The following FBXW8 variants were observed in gnomAD, a reference collection of about 807,000 sequenced individuals.
The protein encoded by FBXW8 is F-box and WD repeat domain containing 8.
FBXW8 carries 57 observed loss-of-function variants against 65.3 expected under a neutral mutation model. That is an observed-to-expected ratio of 0.87 (90% CI 0.71 to 1.09). The LOEUF (loss-of-function observed/expected upper bound fraction) is 1.09, where lower values mean the gene tolerates loss of function less well. Among genes scored for constraint, FBXW8 ranks in the 50% least tolerant of loss-of-function variants. The pLI, the probability that FBXW8 is intolerant of heterozygous loss-of-function variation, is 0.00. For synonymous variants in FBXW8, 308 were observed against 330.2 expected, an observed-to-expected ratio of 0.93 and a Z score of 0.73; for missense variants, 777 against 814.8, an observed-to-expected ratio of 0.95 and a Z score of 0.57.
chr12:116,945,410 A>G lies in FBXW8; in HGVS notation c.470A>G (p.Tyr157Cys). 6.2e-7 allele frequency: 1 copy of G among 1,614,068 alleles called. No homozygotes were observed. Among genetic ancestry groups the G allele is most frequent in the Non-Finnish European group, 8.5e-7 (1 of 1,180,018 alleles). Reference sequence around the variant, plus strand: ...ATTGCAGAGGATGAGGTGCTGTGGTACAGGCTGTGCCAGCAGGAAGGGCAC... The same window carrying G: ...ATTGCAGAGGATGAGGTGCTGTGGTGCAGGCTGTGCCAGCAGGAAGGGCAC... ...KVIAEDEVLW[Y>C]RLCQQEGHLP... The change falls in exon 3 of 11, where the codon TAC becomes TGC. Residue 157 changes from tyrosine (Y) to cysteine (C), a missense_variant. Transcript: ENST00000652555.
chr12:116,994,840 C>T (rs1317476530), intron 7 of FBXW8, among the ~76,000 whole-genome samples: 1 of 152,202 alleles, frequency 6.6e-6, no homozygotes, highest in Admixed American at 6.5e-5. Flanking sequence ...AACACTTGGT[C>T]CACATGAATG....
chr12:116,981,534 CAT>C (rs1234559440), intron 5 of FBXW8, among the ~76,000 whole-genome samples: 2 of 150,790 alleles, frequency 1.3e-5, no homozygotes, highest in African/African-American at 2.4e-5. Context: ...AAGTTTGTAA[CAT>C]ATGTAGAAAT....
chr12:116,911,113 C>G lies in FBXW8; in HGVS notation c.76C>G (p.Arg26Gly), dbSNP rs776443595. 18 of 1,389,498 alleles carry G rather than the reference C, an allele frequency of 1.3e-5. No homozygotes were observed. The South Asian group carries it at 2.3e-4, about 18-fold the overall frequency. The allele number at this position is 1,389,498 out of a possible 1,614,324, so 86.1% of individuals were successfully genotyped here. Residue 26 changes from arginine (R) to glycine (G), a missense_variant, in exon 1 of 11, where the codon CGG becomes GGG. Transcript: ENST00000652555. The stretch of plus-strand genomic sequence containing the variant: ...GGCGCAGGCCCAGGCGCCGAAGAAG[C>G]GGCGACGGCCCGAGGCTGCCGAGAG... ...ELAQAQAPKK[R>G]RRPEAAERRA...
chr12:116,967,613 T>TTA (rs1250597493), intron 5 of FBXW8, among the ~76,000 whole-genome samples: 1 of 152,238 alleles, frequency 6.6e-6, no homozygotes, highest in Non-Finnish European at 1.5e-5. Flanking sequence ...TTTCTTTGTG[T>TTA]GTTGTTAGCT....
At chr12:117,018,778 G>C (rs550008794) in intron 8 of FBXW8, among the ~76,000 whole-genome samples, 2 of 152,126 alleles carry the variant, frequency 1.3e-5, no homozygotes, top group South Asian at 2.1e-4. Flanking sequence ...ATCCATGCTG[G>C]TATCTAAATA....
At position 117,029,054 on chromosome 12, in the gene FBXW8, C is replaced by T. The variant is rs1954302229; in HGVS notation, c.*882C>T. On this transcript the variant is annotated 3_prime_UTR_variant, in exon 11 of 11. Coordinates refer to ENST00000652555, the MANE Select transcript of FBXW8 (RefSeq NM_153348.3). Reference sequence around the variant, plus strand: ...AAATCCATTCTCACGGCAGGCAAATCAGTGAGAAAAATGTAAAGATCTGGA... The same window carrying T: ...AAATCCATTCTCACGGCAGGCAAATTAGTGAGAAAAATGTAAAGATCTGGA... The T allele has an allele frequency of 6.6e-6, 1 of 152,160 alleles. No homozygotes were observed. The highest frequency in any genetic ancestry group is 2.4e-5 in the African/African-American group (1 of 41,434). The allele number at this position is 152,160 out of a possible 1,614,324, so 9.4% of individuals were successfully genotyped here. A position where few individuals can be genotyped will look rare whatever the true frequency, so the allele number is the denominator to read the frequency against.
intron 4 of FBXW8, among the ~76,000 whole-genome samples, chr12:116,955,473 A>G (rs1883584530): frequency 6.6e-6 from 1 of 152,178 alleles, no homozygotes; most frequent in Admixed American, 6.5e-5. Flanking sequence ...CTGCATTTGT[A>G]TCTGTGATCT....
At chr12:116,968,715 A>G (rs1884473898) in intron 5 of FBXW8, among the ~76,000 whole-genome samples, 1 of 152,192 alleles carries the variant, frequency 6.6e-6, no homozygotes, top group South Asian at 2.1e-4. Context: ...CAGTTTTGCC[A>G]ACAAAGTATG....
At chr12:116,928,359 A>G (rs1881497403) in intron 2 of FBXW8, among the ~76,000 whole-genome samples, 1 of 152,138 alleles carries the variant, frequency 6.6e-6, no homozygotes, top group African/African-American at 2.4e-5. Flanking sequence ...CTGCAGTCTG[A>G]GTTATGGCTG....
At chr12:117,018,009 T>A (rs1953999134) in intron 8 of FBXW8, among the ~76,000 whole-genome samples, 2 of 152,290 alleles carry the variant, frequency 1.3e-5, no homozygotes, top group East Asian at 1.9e-4. Context: ...ATTTGCTCCA[T>A]CTGCAAGTGT....
intron 7 of FBXW8, among the ~76,000 whole-genome samples, chr12:116,997,965 G>A (rs184131229): frequency 5.9e-4 from 90 of 152,252 alleles, no homozygotes; most frequent in African/African-American, 2.1e-3. Context: ...ACAGGCGTGT[G>A]CCACCATGCC....
rs1286568194 is a variant in FBXW8 at position 116,961,281 on chromosome 12, G to A, written c.678-3416G>A. Reference sequence around the variant, plus strand: ...CCCAAAGTGCTGGGATTACAGGCATGAGCCACCGTGCCCGGCCTGTATCTG... The same window carrying A: ...CCCAAAGTGCTGGGATTACAGGCATAAGCCACCGTGCCCGGCCTGTATCTG... On this transcript the variant is annotated intron_variant, in intron 4 of 10. Coordinates refer to ENST00000652555, the MANE Select transcript of FBXW8 (RefSeq NM_153348.3). The surrounding 1 kb of genome is among the most constrained non-coding windows in gnomAD (Gnocchi z 4.4). Among the ~76,000 whole-genome samples the A allele has an allele frequency of 2.0e-5, 3 of 152,202 alleles. No homozygotes were observed. The highest frequency in any genetic ancestry group is 7.2e-5 in the African/African-American group (3 of 41,436).
At chr12:116,979,777 C>CA (rs60145855) in intron 5 of FBXW8, among the ~76,000 whole-genome samples, 15,527 of 74,200 alleles carry the variant, frequency 0.21, 1,076 homozygotes, top group East Asian at 0.32. Context: ...CAGGGAATGG[C>CA]AAAAAAAAAA....
At chr12:117,024,008 A>C in intron 8 of FBXW8, 139 bp from the exon 9 acceptor site, 8 of 761,296 alleles carry the variant, frequency 1.1e-5, no homozygotes, top group Non-Finnish European at 1.2e-5. Flanking sequence ...TGATGTCCTT[A>C]TTATCGATGT....
intron 1 of FBXW8, among the ~76,000 whole-genome samples, chr12:116,923,002 C>CA (rs970652336): frequency 1.3e-5 from 2 of 151,956 alleles, no homozygotes; most frequent in Non-Finnish European, 2.9e-5. Flanking sequence ...GCCGAGAGTT[C>CA]GAGACTAGCC....
chr12:117,005,469 C>T (rs1340028847), intron 7 of FBXW8, among the ~76,000 whole-genome samples: 2 of 152,134 alleles, frequency 1.3e-5, no homozygotes, highest in African/African-American at 2.4e-5. Flanking sequence ...AGTGTTACAA[C>T]GTGTAGTGTG....
chr12:116,946,214 A>G (rs1014908078), intron 3 of FBXW8, among the ~76,000 whole-genome samples: 1 of 152,186 alleles, frequency 6.6e-6, no homozygotes, highest in Non-Finnish European at 1.5e-5. Flanking sequence ...TTACTCCCAT[A>G]AAGGTCAATC....
At chr12:116,957,238 T>G (rs1297793782) in intron 4 of FBXW8, among the ~76,000 whole-genome samples, 1 of 151,856 alleles carries the variant, frequency 6.6e-6, no homozygotes, top group Non-Finnish European at 1.5e-5. Context: ...TCTCAGCTAC[T>G]CGGGTGGCTG....
chr12:117,010,833 G>C (rs540828806), intron 8 of FBXW8, among the ~76,000 whole-genome samples: 2 of 152,330 alleles, frequency 1.3e-5, no homozygotes, highest in Non-Finnish European at 2.9e-5. Context: ...CAGCAAAATA[G>C]GGTTTCCTGC....
Sources: gnomAD v4.1 joint callset for allele counts (sites outside exome capture counted in the v4.1 genomes callset) on GRCh38, gnomAD v4.1.1 for gene constraint, Gnocchi (gnomAD v3.1) non-coding constraint, MANE v1.5 for transcripts, NCBI Gene and HGNC (gene_info 2026-07-23, HGNC 2026-07-21) for gene names.